ZMAT3: variants seen among roughly 807,000 people sequenced by gnomAD.
The protein encoded by ZMAT3 is zinc finger matrin-type protein 3.
Under a neutral mutation model 32.3 loss-of-function variants are expected in ZMAT3, and 17 were observed. The observed-to-expected ratio is 0.53, with a 90% CI of 0.36 to 0.79. ZMAT3 has a LOEUF of 0.79. Ranked by LOEUF, ZMAT3 falls within the 30% of genes least tolerant of loss-of-function variation. ZMAT3 has a pLI of 0.00. For synonymous variants in ZMAT3, 120 were observed against 133.1 expected, an observed-to-expected ratio of 0.90 and a Z score of 0.68; for missense variants, 329 against 359.7, an observed-to-expected ratio of 0.91 and a Z score of 0.69.
intron 2 of ZMAT3, among the ~76,000 whole-genome samples, chr3:179,048,164 G>A (rs138746246): frequency 2.4e-4 from 36 of 152,266 alleles, no homozygotes; most frequent in East Asian, 5.8e-4. Flanking sequence ...TTGAGATTAC[G>A]ATAAACGACC....
chr3:179,029,475 T>C (rs1338372924), intron 3 of ZMAT3, among the ~76,000 whole-genome samples: 1 of 152,190 alleles, frequency 6.6e-6, no homozygotes, highest in East Asian at 1.9e-4. Flanking sequence ...ATTTTCTTTT[T>C]ATTTTTTTGA....
intron 1 of ZMAT3, among the ~76,000 whole-genome samples, chr3:179,070,318 C>T (rs1721645116): frequency 6.6e-6 from 1 of 152,190 alleles, no homozygotes; most frequent in South Asian, 2.1e-4. Flanking sequence ...GCACAAAAGG[C>T]CTCCTACCAG....
At chr3:179,048,108 C>A (rs1720343699) in intron 2 of ZMAT3, among the ~76,000 whole-genome samples, 1 of 151,778 alleles carries the variant, frequency 6.6e-6, no homozygotes, top group South Asian at 2.1e-4. Flanking sequence ...TTGATAAAGA[C>A]AAAGAAAAAA....
intron 2 of ZMAT3, among the ~76,000 whole-genome samples, chr3:179,042,545 A>C: frequency 6.6e-6 from 1 of 152,246 alleles, no homozygotes; most frequent in Non-Finnish European, 1.5e-5. Flanking sequence ...AAAAACTCTC[A>C]ATAAATTAGG....
intron 2 of ZMAT3, among the ~76,000 whole-genome samples, chr3:179,059,311 G>T (rs1188793442): frequency 3.3e-5 from 5 of 152,012 alleles, no homozygotes; most frequent in African/African-American, 1.2e-4. Flanking sequence ...CTCCCCTCAG[G>T]ATGGCTAGCC....
At chr3:179,028,645 A>G (rs1719013610) in intron 3 of ZMAT3, among the ~76,000 whole-genome samples, 1 of 152,226 alleles carries the variant, frequency 6.6e-6, no homozygotes, top group African/African-American at 2.4e-5. Flanking sequence ...TCAATTCTAG[A>G]GCAGCCTTCA....
intron 2 of ZMAT3, among the ~76,000 whole-genome samples, chr3:179,032,773 C>T (rs1207492632): frequency 1.3e-5 from 2 of 151,692 alleles, no homozygotes; most frequent in Non-Finnish European, 2.9e-5. Context: ...CCGCAGCCGC[C>T]CCGTCTGGGA....
At chr3:179,056,612 G>A (rs571166197) in intron 2 of ZMAT3, among the ~76,000 whole-genome samples, 17 of 152,162 alleles carry the variant, frequency 1.1e-4, no homozygotes, top group Non-Finnish European at 2.5e-4. Flanking sequence ...AGGGTGCCCG[G>A]GGCGAGCGCC....
In ZMAT3 at chr3:179,025,024, T is replaced by C. The variant is rs1237799609; in HGVS notation, c.863A>G (p.Tyr288Cys). The change falls in exon 6 of 6, where the codon TAT becomes TGT. Residue 288 changes from tyrosine (Y) to cysteine (C), a missense_variant. Tyr to Cys is a radical substitution (Grantham distance 194). Coordinates refer to ENST00000311417, the MANE Select transcript of ZMAT3 (RefSeq NM_022470.4). Reference sequence around the variant, plus strand: ...ATCTTAATATGATAATCACTATACATATCCCAGATTCTCCATCTCATTCCT... The same window carrying C: ...ATCTTAATATGATAATCACTATACACATCCCAGATTCTCCATCTCATTCCT... ...RYRNEMENLG[Y>C]V 6.2e-7 allele frequency: 1 copy of C among 1,614,136 alleles called. No homozygotes were observed. The highest frequency in any genetic ancestry group is 1.1e-5 in the South Asian group (1 of 91,076).
At position 179,018,272 on chromosome 3, in the gene ZMAT3, A is replaced by T. The variant is rs1395043617; in HGVS notation, c.*6745T>A. The T allele has an allele frequency of 6.6e-6, 1 of 152,154 alleles. No individual in the cohort carries two copies. The highest frequency in any genetic ancestry group is 2.4e-5 in the African/African-American group (1 of 41,426). The allele number at this position is 152,154 out of a possible 1,614,324, so 9.4% of individuals were successfully genotyped here. ...ATTTTCACTAGTGAGGGGGTCACTT[A>T]AGCACTTACAAAGACTTATAAATGA... On this transcript the variant is annotated 3_prime_UTR_variant, in exon 6 of 6. Transcript: ENST00000311417.
At chr3:179,070,139 T>G (rs1721636923) in intron 1 of ZMAT3, among the ~76,000 whole-genome samples, 1 of 152,156 alleles carries the variant, frequency 6.6e-6, no homozygotes, top group Admixed American at 6.5e-5. Flanking sequence ...AACCTCTGGA[T>G]AAAGGAAATC....
rs749452113 is a variant in ZMAT3, at chr3:179,027,502, T to C, written c.579A>G (p.Gln193=). 1 of 1,614,234 alleles carries C rather than the reference T, an allele frequency of 6.2e-7. No homozygotes were observed. Among genetic ancestry groups the C allele is most frequent in the East Asian group, 2.2e-5 (1 of 44,888 alleles). The stretch of plus-strand genomic sequence containing the variant: ...CATTCCCTTCTTTCCTGGCCCGCCG[T>C]TGACCCAGCTCTGAGGATTCCCTGG... The part of the protein sequence containing the change: ...NSFSESSELG[Q]RRARKEGNEF... Residue 193 remains glutamine (Q), a synonymous_variant, in exon 5 of 6, where the codon CAA becomes CAG. Coordinates refer to ENST00000311417, the MANE Select transcript of ZMAT3 (RefSeq NM_022470.4).
At position 179,024,798 on chromosome 3, in the gene ZMAT3, C is replaced by T. The variant is rs940971410; in HGVS notation, c.*219G>A. On this transcript the variant is annotated 3_prime_UTR_variant, in exon 6 of 6. Coordinates refer to ENST00000311417, the MANE Select transcript of ZMAT3 (RefSeq NM_022470.4). ...GAGCGGCTCAACACCATTGACCCTG[C>T]AAAAGCGTTATGACCTAAGAAGCAC... The T allele has an allele frequency of 1.9e-6, 1 of 537,556 alleles. No individual in the cohort carries two copies. The highest frequency in any genetic ancestry group is 3.4e-6 in the Non-Finnish European group (1 of 297,526). The allele number at this position is 537,556 out of a possible 1,614,324, so 33.3% of individuals were successfully genotyped here.
chr3:179,063,782 T>C (rs1223492264), intron 2 of ZMAT3, among the ~76,000 whole-genome samples: 2 of 152,212 alleles, frequency 1.3e-5, no homozygotes, highest in Non-Finnish European at 2.9e-5. Flanking sequence ...CCTCCAAAGA[T>C]TGGATTTTAA....
At chr3:179,033,362 C>T (rs967903030) in intron 2 of ZMAT3, among the ~76,000 whole-genome samples, 5 of 151,816 alleles carry the variant, frequency 3.3e-5, no homozygotes, top group Admixed American at 2.0e-4. Context: ...AGGCGGAAGG[C>T]GGCAGGGCCC....
intron 2 of ZMAT3, among the ~76,000 whole-genome samples, chr3:179,058,192 T>C (rs1720949768): frequency 6.6e-6 from 1 of 152,130 alleles, no homozygotes; most frequent in Admixed American, 6.5e-5. Flanking sequence ...TGTGTGGACA[T>C]GACGTGAACG....
upstream of ZMAT3, chr3:179,072,002 G>A (rs1721754157): frequency 6.6e-6 from 1 of 152,540 alleles, no homozygotes; most frequent in Non-Finnish European, 1.5e-5. Flanking sequence ...CCGGCGTGGG[G>A]AACAAAGGCA....
In ZMAT3 at chr3:179,030,929, C is replaced by A; in HGVS notation, c.341G>T (p.Ser114Ile). Residue 114 changes from serine (S) to isoleucine (I), a missense_variant, in exon 3 of 6, where the codon AGC (serine) becomes ATC (isoleucine). Coordinates refer to ENST00000311417, the MANE Select transcript of ZMAT3 (RefSeq NM_022470.4). ...AGTAGCTGCAGGCTCGACCACATTG[C>A]TCATTCTAGCAGGAGGAGGACAGCT... Reference protein sequence around the residue: ...ANSCPPPARMSNVVEPAATPV... With the variant: ...ANSCPPPARMINVVEPAATPV... 6.2e-7 allele frequency: 1 copy of A among 1,613,950 alleles called. No homozygotes were observed. The highest frequency in any genetic ancestry group is 1.1e-5 in the South Asian group (1 of 91,010).
chr3:179,057,898 C>T (rs1000162797), intron 2 of ZMAT3, among the ~76,000 whole-genome samples: 1 of 152,150 alleles, frequency 6.6e-6, no homozygotes, highest in Non-Finnish European at 1.5e-5. Context: ...AAGATGGACA[C>T]CTGAAGCGGA....
Sources: gnomAD v4.1 joint callset for allele counts (sites outside exome capture counted in the v4.1 genomes callset) on GRCh38, gnomAD v4.1.1 for gene constraint, MANE v1.5 for transcripts, NCBI Gene and HGNC (gene_info 2026-07-23, HGNC 2026-07-21) for gene names.